DMD: variants seen among roughly 807,000 people sequenced by gnomAD.
The protein encoded by DMD is dystrophin.
DMD carries 63 observed loss-of-function variants against 330.1 expected under a neutral mutation model. The observed-to-expected ratio is 0.19, with a 90% CI of 0.16 to 0.24. The LOEUF is 0.24. Among genes scored for constraint, DMD ranks in the 10% least tolerant of loss-of-function variants. The pLI, the probability that DMD is intolerant of heterozygous loss-of-function variation, is 1.00. For missense variants in DMD, 3,344 were observed against 2,684.1 expected (o/e 1.25, Z -5.43); for synonymous variants, 1,223 against 959.8 (o/e 1.27, Z -5.07).
At chrX:32,464,438 G>A in intron 24 of DMD, 148 bp downstream of exon 24, 1 of 477,681 alleles carries the variant, frequency 2.1e-6, no homozygotes, top group South Asian at 3.1e-5. Context: ...CCCCAACCCA[G>A]CTGTGACAAT....
chrX:32,862,145 G>A (rs1325953966), intron 2 of DMD, among the ~76,000 whole-genome samples: 3 of 111,946 alleles, frequency 2.7e-5, no homozygotes, highest in African/African-American at 9.7e-5. Flanking sequence ...AAAAAAGCAC[G>A]AAAATCTGGC....
At chrX:32,898,115 T>C (rs2085897678) in intron 2 of DMD, among the ~76,000 whole-genome samples, 1 of 111,808 alleles carries the variant, frequency 8.9e-6, no homozygotes, top group Admixed American at 9.5e-5. Flanking sequence ...CGTGTTCTGA[T>C]GAGATGTTTT....
intron 32 of DMD, among the ~76,000 whole-genome samples, chrX:32,387,244 T>C (rs1372481392): frequency 9.0e-6 from 1 of 111,214 alleles, no homozygotes; most frequent in Non-Finnish European, 1.9e-5. Context: ...TTCACAATTA[T>C]ACCACCAACA....
intron 52 of DMD, among the ~76,000 whole-genome samples, chrX:31,721,744 ATC>A (rs1569293835): frequency 4.5e-5 from 4 of 88,638 alleles, no homozygotes; most frequent in Non-Finnish European, 8.7e-5. Context: ...ATATATATAT[ATC>A]TCCTAATTAT....
chrX:33,238,493 CCT>C (rs1157291532), intron 1 of DMD, among the ~76,000 whole-genome samples: 6 of 111,029 alleles, frequency 5.4e-5, no homozygotes, highest in Non-Finnish European at 3.8e-5. Flanking sequence ...CTCTCTCCCC[CCT>C]GTTTGTGTGT....
intron 50 of DMD, among the ~76,000 whole-genome samples, chrX:31,807,278 C>T (rs765727875): frequency 1.4e-4 from 16 of 111,832 alleles, no homozygotes; most frequent in African/African-American, 4.9e-4. Flanking sequence ...CCAAGGGAGT[C>T]GTGGTGCCCT....
At chrX:32,659,560 C>A (rs780445077) in intron 9 of DMD, among the ~76,000 whole-genome samples, 1 of 110,662 alleles carries the variant, frequency 9.0e-6, no homozygotes, top group Non-Finnish European at 1.9e-5. Flanking sequence ...TGTAGCATCT[C>A]GGAAGCCTCA....
intron 1 of DMD, among the ~76,000 whole-genome samples, chrX:33,333,914 T>C (rs1332407856): frequency 9.0e-6 from 1 of 111,092 alleles, no homozygotes; most frequent in Non-Finnish European, 1.9e-5. Context: ...AGTAAGTCTC[T>C]AAAACTGCAA....
chrX:32,024,550 A>C (rs2095833351), intron 44 of DMD, among the ~76,000 whole-genome samples: 1 of 110,809 alleles, frequency 9.0e-6, no homozygotes, highest in African/African-American at 3.3e-5. Flanking sequence ...CTATTTTAGA[A>C]GAGAAAAGCT....
intron 1 of DMD, among the ~76,000 whole-genome samples, chrX:33,190,029 C>T (rs2050450858): frequency 9.0e-6 from 1 of 111,275 alleles, no homozygotes; most frequent in South Asian, 3.8e-4. Flanking sequence ...AAAGAATAGC[C>T]CTACACAAAG....
Position 32,354,407 on chromosome X carries a change from T to C in DMD, c.5326-5879A>G, listed in dbSNP as rs368385884. 4.5e-5 allele frequency among the ~76,000 whole-genome samples: 5 copies of C among 111,123 alleles called. No homozygotes were observed. The East Asian group carries it at 8.5e-4, about 19-fold the overall frequency. On this transcript the variant is annotated intron_variant, in intron 37 of 78. Transcript: ENST00000357033. ...AATTTCAAGGACAAGTAACACACTA[T>C]AGTACAGAAAAGACAGACTACTGAT...
intron 52 of DMD, among the ~76,000 whole-genome samples, chrX:31,716,553 A>T (rs1209820679): frequency 9.2e-6 from 1 of 108,671 alleles, no homozygotes; most frequent in Non-Finnish European, 1.9e-5. Flanking sequence ...CTCCATCTCA[A>T]CAAAACAAAA....
chrX:31,845,359 T>C (rs1025467766), intron 48 of DMD, among the ~76,000 whole-genome samples: 4 of 97,816 alleles, frequency 4.1e-5, no homozygotes, highest in African/African-American at 7.3e-5. Flanking sequence ...TCAGGTGTTA[T>C]AGAGGACAGA....
At chrX:32,707,031 A>G (rs781317487) in intron 7 of DMD, among the ~76,000 whole-genome samples, 23 of 110,056 alleles carry the variant, frequency 2.1e-4, no homozygotes, top group Non-Finnish European at 3.8e-4. Context: ...GGCAGAGATG[A>G]CGGTGAGCCG....
chrX:31,370,196 A>G (rs1284873441), intron 60 of DMD, among the ~76,000 whole-genome samples: 1 of 111,396 alleles, frequency 9.0e-6, no homozygotes, highest in Admixed American at 9.6e-5. Flanking sequence ...CATAAAAGGA[A>G]AAAGCGATAA....
In DMD at chrX:33,028,720, T is replaced by C. The variant is rs2094049310; in HGVS notation, c.32-8520A>G. Among the ~76,000 whole-genome samples the C allele has an allele frequency of 3.6e-5, 4 of 111,537 alleles. No homozygotes were observed. The South Asian group carries it at 1.5e-3, about 40-fold the overall frequency. ...TCAATCAATCCTTCTGATATATACA[T>C]ATGTGTAGGCTTTTTTCTAATTATG... On this transcript the variant is annotated intron_variant, in intron 1 of 78. Transcript: ENST00000357033.
intron 47 of DMD, among the ~76,000 whole-genome samples, chrX:31,915,273 G>C (rs2094595558): frequency 8.9e-6 from 1 of 111,868 alleles, no homozygotes. Context: ...GGATATTTGT[G>C]GGACCAGCAT....
intron 44 of DMD, among the ~76,000 whole-genome samples, chrX:31,997,605 T>A (rs1438021795): frequency 9.0e-6 from 1 of 110,639 alleles, no homozygotes; most frequent in African/African-American, 3.3e-5. Context: ...GAATAAAGAT[T>A]TGTGCACGTA....
intron 34 of DMD, among the ~76,000 whole-genome samples, chrX:32,365,610 T>C (rs1020583667): frequency 2.7e-5 from 3 of 111,563 alleles, no homozygotes; most frequent in South Asian, 3.7e-4. Flanking sequence ...TTTAGTGCCA[T>C]GGATCTTTTT....
Sources: allele counts gnomAD v4.1 joint callset (sites outside exome capture counted in the v4.1 genomes callset), GRCh38; gene constraint gnomAD v4.1.1; transcripts MANE v1.5; gene names NCBI Gene and HGNC (gene_info 2026-07-23, HGNC 2026-07-21).